SEC24B: variants seen among roughly 807,000 people sequenced by gnomAD.
The protein encoded by SEC24B is protein transport protein Sec24B.
Under a neutral mutation model 142.8 loss-of-function variants are expected in SEC24B, and 45 were observed. The observed-to-expected ratio is 0.32, with a 90% CI of 0.25 to 0.40. The LOEUF is 0.40. Ranked by LOEUF, SEC24B falls within the 10% of genes least tolerant of loss-of-function variation. The pLI, the probability that SEC24B is intolerant of heterozygous loss-of-function variation, is 1.00. For missense variants in SEC24B, 1,409 were observed against 1,526.8 expected (o/e 0.92, Z 1.29); for synonymous variants, 574 against 568.2 (o/e 1.01, Z -0.15).
chr4:109,465,943 G>A (rs1731809204), intron 2 of SEC24B, among the ~76,000 whole-genome samples: 1 of 152,128 alleles, frequency 6.6e-6, no homozygotes, highest in Non-Finnish European at 1.5e-5. Context: ...GTGTTCAGAA[G>A]TGGGTTTTTT....
intron 14 of SEC24B, among the ~76,000 whole-genome samples, chr4:109,523,558 A>C (rs1723892140): frequency 1.3e-5 from 2 of 152,222 alleles, no homozygotes; most frequent in Non-Finnish European, 2.9e-5. Context: ...AGATTTGGTC[A>C]GGCATTTTTA....
Position 109,506,360 on chromosome 4 carries a change from T to C in SEC24B, c.1521T>C (p.Ser507=). 6.2e-7 allele frequency: 1 copy of C among 1,604,572 alleles called. No individual in the cohort carries two copies. Residue 507 remains serine, a synonymous_variant, in exon 7 of 24, where the codon AGT becomes AGC. Coordinates refer to ENST00000265175, the MANE Select transcript of SEC24B (RefSeq NM_006323.5). The part of the protein sequence containing the change: ...QYPGVNQLSS[S]IGGLSLQSSP... ...CTGGTGTGAACCAGCTATCCTCCAG[T>C]ATAGGAGGATTGAGTCTTCAGAGTT...
At chr4:109,508,363 G>C (rs750792099) in intron 7 of SEC24B, among the ~76,000 whole-genome samples, 4 of 151,982 alleles carry the variant, frequency 2.6e-5, no homozygotes, top group Non-Finnish European at 5.9e-5. Context: ...CCAGGAGTTT[G>C]TGACCAGCCT....
In SEC24B at chr4:109,520,413, G is replaced by A. The variant is rs755602966; in HGVS notation, c.2174G>A (p.Ser725Asn). 9 of 1,612,286 alleles carry A rather than the reference G, an allele frequency of 5.6e-6. No homozygotes were observed. The Admixed American group carries it at 6.7e-5, about 12-fold the overall frequency. The change falls in exon 12 of 24, where the codon AGC (serine) becomes AAC (asparagine). Residue 725 changes from serine (S) to asparagine (N), a missense_variant. This residue lies in a region of SEC24B where 700 missense variants were observed against 853.3 expected (regional missense o/e 0.82). Transcript: ENST00000265175. ...AGAATAGGATTCATGACCTTTGATA[G>A]CACTATTCATTTCTACAATTTACAA... ...RTRIGFMTFD[S>N]TIHFYNLQEG...
At chr4:109,476,746 C>G (rs932236831) in intron 3 of SEC24B, among the ~76,000 whole-genome samples, 7 of 139,968 alleles carry the variant, frequency 5.0e-5, no homozygotes, top group Non-Finnish European at 8.8e-5. Context: ...TTCTATCTGT[C>G]TTACTTTCTC....
intron 16 of SEC24B, 76 bp downstream of exon 16, chr4:109,525,580 C>T (rs1199248733): frequency 2.1e-6 from 2 of 943,566 alleles, no homozygotes; most frequent in East Asian, 2.8e-5. Context: ...TATTGACTAC[C>T]TCTGACTGTT....
chr4:109,538,931 C>T (rs1254307830), intron 23 of SEC24B, among the ~76,000 whole-genome samples: 1 of 151,908 alleles, frequency 6.6e-6, no homozygotes, highest in African/African-American at 2.4e-5. Flanking sequence ...ACTGCAGGCA[C>T]TTCCCTCCAC....
intron 2 of SEC24B, among the ~76,000 whole-genome samples, chr4:109,466,175 T>C (rs1192610043): frequency 6.6e-6 from 1 of 152,200 alleles, no homozygotes; most frequent in African/African-American, 2.4e-5. Flanking sequence ...TAGTAGTTCG[T>C]AAGGTATCTG....
chr4:109,521,092 A>G, intron 12 of SEC24B, 25 bp from the exon 13 acceptor site: 1 of 1,397,246 alleles, frequency 7.2e-7, no homozygotes, highest in South Asian at 1.2e-5. Flanking sequence ...CGATTTGTTG[A>G]TTAAAATATG....
chr4:109,441,063 A>G (rs1263526570), intron 1 of SEC24B, among the ~76,000 whole-genome samples: 1 of 152,070 alleles, frequency 6.6e-6, no homozygotes, highest in African/African-American at 2.4e-5. Flanking sequence ...TAAGTTTTCT[A>G]AAATTGTGTG....
chr4:109,433,837 T>C lies in SEC24B; in HGVS notation c.-33T>C, dbSNP rs953596452. On this transcript the variant is annotated 5_prime_UTR_variant, in exon 1 of 24. Coordinates refer to ENST00000265175, the MANE Select transcript of SEC24B (RefSeq NM_006323.5). Reference sequence around the variant, plus strand: ...CTTCCCTTCCCTCCGCCCACCTCCCTGAAGCGGAGCCGCCGTCGCCACCAG... The same window carrying C: ...CTTCCCTTCCCTCCGCCCACCTCCCCGAAGCGGAGCCGCCGTCGCCACCAG... The C allele has an allele frequency of 5.7e-5, 72 of 1,271,990 alleles. No individual in the cohort carries two copies. Among genetic ancestry groups the C allele is most frequent in the Non-Finnish European group, 6.7e-5 (68 of 1,007,954 alleles). 78.8% of individuals were successfully genotyped at this position (1,271,990 alleles called of 1,614,324 possible).
chr4:109,490,588 T>C (rs1347782784), intron 4 of SEC24B, among the ~76,000 whole-genome samples: 1 of 152,088 alleles, frequency 6.6e-6, no homozygotes. Context: ...TCTCAAAATA[T>C]TTGTTGAATG....
At chr4:109,481,584 A>T (rs948516093) in intron 3 of SEC24B, 93 bp from the exon 4 acceptor site, 1 of 774,450 alleles carries the variant, frequency 1.3e-6, no homozygotes, top group African/African-American at 1.7e-5. Context: ...TTGGAATGTC[A>T]GAGTTCTTTC....
intron 2 of SEC24B, among the ~76,000 whole-genome samples, chr4:109,465,153 A>G (rs907685254): frequency 6.6e-6 from 1 of 152,212 alleles, no homozygotes; most frequent in Non-Finnish European, 1.5e-5. Flanking sequence ...GAAAATGAAT[A>G]TTGAATCTTT....
chr4:109,520,044 A>G (rs1723433443), intron 11 of SEC24B, among the ~76,000 whole-genome samples: 1 of 152,192 alleles, frequency 6.6e-6, no homozygotes, highest in African/African-American at 2.4e-5. Context: ...GTGTTCATAA[A>G]TGTGGTTTTT....
At chr4:109,527,556 A>G in intron 18 of SEC24B, 124 bp downstream of exon 18, 1 of 648,856 alleles carries the variant, frequency 1.5e-6, no homozygotes, top group Non-Finnish European at 2.7e-6. Flanking sequence ...ACGGACCACG[A>G]GGTCAGGAGT....
rs750965388 is a variant in SEC24B, at chr4:109,463,004, C to T, written c.237C>T (p.Thr79=). Residue 79 remains threonine (T), a synonymous_variant, in exon 2 of 24, where the codon ACC becomes ACT. Transcript: ENST00000265175. ...GHYSQGPGKM[T]SLPLDTQCGD... is the part of the protein sequence containing the mutation. ...ACTCTCAAGGACCTGGGAAAATGACCTCATTGCCATTGGATACCCAGTGTG... is the reference window on the plus strand; with the variant it reads ...ACTCTCAAGGACCTGGGAAAATGACTTCATTGCCATTGGATACCCAGTGTG... The T allele has an allele frequency of 1.2e-6, 2 of 1,613,986 alleles. No homozygotes were observed. The highest frequency in any genetic ancestry group is 1.7e-6 in the Non-Finnish European group (2 of 1,180,004).
Position 109,513,826 on chromosome 4 carries a change from T to C in SEC24B, c.1983T>C (p.Thr661=), listed in dbSNP as rs751630924. 7 of 1,611,360 alleles carry C rather than the reference T, an allele frequency of 4.3e-6. No individual in the cohort carries two copies. The highest frequency in any genetic ancestry group is 5.9e-6 in the Non-Finnish European group (7 of 1,177,698). ...AACGACCAGAAGTTCAGAATTCAAC[T>C]GTGGAGTTCATTGCTTCTTCAGATT... ...PHKRPEVQNS[T]VEFIASSDYM... The change falls in exon 10 of 24, where the codon ACT becomes ACC. Residue 661 remains threonine (T), a synonymous_variant. Coordinates refer to ENST00000265175, the MANE Select transcript of SEC24B (RefSeq NM_006323.5).
intron 6 of SEC24B, among the ~76,000 whole-genome samples, chr4:109,501,687 G>C (rs1736165848): frequency 6.6e-6 from 1 of 152,182 alleles, no homozygotes; most frequent in Non-Finnish European, 1.5e-5. Flanking sequence ...GGCCAGGCTG[G>C]TCTCAAATTC....
Sources: allele counts gnomAD v4.1 joint callset (sites outside exome capture counted in the v4.1 genomes callset), GRCh38; gene constraint gnomAD v4.1.1; regional missense constraint gnomAD v4.1.1; transcripts MANE v1.5; gene names NCBI Gene and HGNC (gene_info 2026-07-23, HGNC 2026-07-21).